Variants in LATS1 observed in about 807,000 individuals in gnomAD.
The protein encoded by LATS1 is large tumor suppressor kinase 1.
In LATS1, 25 loss-of-function variants were observed where a neutral mutation model predicts 106.6. That is an observed-to-expected ratio of 0.23 (90% CI 0.17 to 0.33). The LOEUF (loss-of-function observed/expected upper bound fraction) is 0.33. Among genes scored for constraint, LATS1 ranks in the 10% least tolerant of loss-of-function variants. The pLI, the probability that LATS1 is intolerant of heterozygous loss-of-function variation, is 1.00. For synonymous variants in LATS1, 465 were observed against 455.6 expected, an observed-to-expected ratio of 1.02 and a Z score of -0.26; for missense variants, 1,040 against 1,382.6, an observed-to-expected ratio of 0.75 and a Z score of 3.93.
chr6:149,712,552 T>C (rs1211315022), intron 1 of LATS1, among the ~76,000 whole-genome samples: 2 of 151,974 alleles, frequency 1.3e-5, no homozygotes, highest in East Asian at 1.9e-4. Flanking sequence ...GGTCTCGCTA[T>C]GTTGACGAGG....
chr6:149,709,787 T>C (rs1042807670), intron 1 of LATS1, among the ~76,000 whole-genome samples: 9 of 149,958 alleles, frequency 6.0e-5, no homozygotes, highest in African/African-American at 2.2e-4. Flanking sequence ...GTGATTCTCC[T>C]GCCTCAGCCT....
chr6:149,666,771 C>T (rs1434818346), intron 7 of LATS1, among the ~76,000 whole-genome samples: 2 of 151,578 alleles, frequency 1.3e-5, no homozygotes, highest in Non-Finnish European at 2.9e-5. Flanking sequence ...TGAAACCCCA[C>T]CTCTACTAAA....
intron 3 of LATS1, among the ~76,000 whole-genome samples, chr6:149,691,268 G>A (rs1227276915): frequency 6.6e-6 from 1 of 152,126 alleles, no homozygotes; most frequent in Admixed American, 6.5e-5. Context: ...CACATGCAGA[G>A]GGACAAACAT....
intron 3 of LATS1, among the ~76,000 whole-genome samples, chr6:149,689,247 T>C (rs1464435242): frequency 2.0e-5 from 3 of 151,528 alleles, no homozygotes; most frequent in South Asian, 2.1e-4. Flanking sequence ...AGTACGGCTG[T>C]AGAACAGTAA....
At chr6:149,670,319 A>G (rs979916771) in intron 7 of LATS1, among the ~76,000 whole-genome samples, 1 of 151,938 alleles carries the variant, frequency 6.6e-6, no homozygotes, top group African/African-American at 2.4e-5. Flanking sequence ...CATCACAGAA[A>G]ATAGCAGAGT....
chr6:149,661,946 T>C lies in LATS1; in HGVS notation c.3176A>G (p.Asp1059Gly). 6.2e-7 allele frequency: 1 copy of C among 1,614,084 alleles called. No individual in the cohort carries two copies. Among genetic ancestry groups the C allele is most frequent in the South Asian group, 1.1e-5 (1 of 91,074 alleles). The change falls in exon 8 of 8, where the codon GAC (aspartate) becomes GGC (glycine). Residue 1059 changes from aspartate (D) to glycine (G), a missense_variant. By Grantham distance (94) the Asp-to-Gly change is moderately conservative. Transcript: ENST00000543571. ...ATTTTTATACCATCCATTGAGAGTG[T>C]CATTTACATTTTCTTCCTCGTTATC... ...SDDNEEENVN[D>G]TLNGWYKNGK...
intron 3 of LATS1, among the ~76,000 whole-genome samples, chr6:149,689,418 C>A (rs1285777606): frequency 6.6e-4 from 87 of 132,304 alleles, no homozygotes; most frequent in East Asian, 1.0e-3. Context: ...ATGCCTGTCT[C>A]AAAAAAAAAA....
intron 1 of LATS1, among the ~76,000 whole-genome samples, chr6:149,704,929 A>ACAG (rs1783677114): frequency 1.1e-5 from 1 of 91,420 alleles, no homozygotes; most frequent in Non-Finnish European, 2.2e-5. Flanking sequence ...CACACACACA[A>ACAG]TTTGCAGCAG....
intron 3 of LATS1, among the ~76,000 whole-genome samples, chr6:149,689,731 A>G (rs1170771675): frequency 6.6e-6 from 1 of 152,154 alleles, no homozygotes. Flanking sequence ...CAGAGAAAAC[A>G]GCAGGCATCA....
rs1780817057 is a variant in LATS1 at position 149,659,590 on chromosome 6, CAA to C, written c.*2137_*2138del. The stretch of plus-strand genomic sequence containing the variant: ...TAGTTTTCCTACAACATAAATGTAA[CAA>C]AGTTATCTTCTACTGTATTGCACCT... On this transcript the variant is annotated 3_prime_UTR_variant, in exon 8 of 8. Transcript: ENST00000543571. 2 of 230,760 alleles carry C rather than the reference CAA, an allele frequency of 8.7e-6. No individual in the cohort carries two copies. Among genetic ancestry groups the C allele is most frequent in the Non-Finnish European group, 8.6e-6 (1 of 116,634 alleles). 14.3% of individuals were successfully genotyped at this position (230,760 alleles called of 1,614,324 possible).
At chr6:149,664,623 G>T (rs1232005699) in intron 7 of LATS1, among the ~76,000 whole-genome samples, 2 of 152,194 alleles carry the variant, frequency 1.3e-5, no homozygotes, top group Non-Finnish European at 1.5e-5. Context: ...CAGGATGCAG[G>T]AAGCAGCTAC....
rs372921971 is a variant in LATS1 at position 149,712,461 on chromosome 6, T to A, written c.-141+5388A>T. ...GACCGCCCACCTTGGCCTCCCAAAG[T>A]GCTGGGATTACAGGTGTGAGCCACT... On this transcript the variant is annotated intron_variant, in intron 1 of 7. Transcript: ENST00000543571. 5.3e-5 allele frequency among the ~76,000 whole-genome samples: 8 copies of A among 152,286 alleles called. No individual in the cohort carries two copies. In the South Asian group the frequency reaches 1.7e-3, roughly 32 times the overall value.
At position 149,699,204 on chromosome 6, in the gene LATS1, C is replaced by T. The variant is rs972749125; in HGVS notation, c.348+2575G>A. On this transcript the variant is annotated intron_variant, in intron 2 of 7. Coordinates refer to ENST00000543571, the MANE Select transcript of LATS1 (RefSeq NM_004690.4). Reference sequence around the variant, plus strand: ...AGGATCTTGAACAAGATAAACTCTACAATATAATAGGATGCTACCAGAATG... The same window carrying T: ...AGGATCTTGAACAAGATAAACTCTATAATATAATAGGATGCTACCAGAATG... Among the ~76,000 whole-genome samples, 3 of 152,066 alleles carry T rather than the reference C, an allele frequency of 2.0e-5. 1 individual carries two copies. The South Asian group carries it at 6.2e-4, about 32-fold the overall frequency.
intron 4 of LATS1, 108 bp downstream of exon 4, chr6:149,682,971 T>C: frequency 1.2e-6 from 1 of 828,642 alleles, no homozygotes; most frequent in South Asian, 2.1e-5. Context: ...TGATAATATA[T>C]TTTATTTAGC....
chr6:149,665,626 T>TC, intron 7 of LATS1, among the ~76,000 whole-genome samples: 1 of 151,900 alleles, frequency 6.6e-6, no homozygotes, highest in South Asian at 2.1e-4. Context: ...ACTGCTGGGC[T>TC]CCCCCTCCAA....
chr6:149,716,327 A>G (rs1464921232), intron 1 of LATS1: 2 of 152,196 alleles, frequency 1.3e-5, no homozygotes, highest in Non-Finnish European at 2.9e-5. Flanking sequence ...CCATCTTTAA[A>G]GGAAACTGCA....
At chr6:149,682,003 TGGGGA>T (rs931599527) in intron 4 of LATS1, among the ~76,000 whole-genome samples, 1 of 150,332 alleles carries the variant, frequency 6.7e-6, no homozygotes, top group African/African-American at 2.5e-5. Context: ...TCCCAGCTAG[TGGGGA>T]GGCTGAGGCA....
chr6:149,676,827 T>C, intron 5 of LATS1, 90 bp from the exon 6 acceptor site: 1 of 1,156,950 alleles, frequency 8.6e-7, no homozygotes, highest in African/African-American at 1.5e-5. Context: ...GGTTTAGGGT[T>C]AACAACATTC....
rs569163332 is a variant in LATS1, at chr6:149,682,193, C to G, written c.2010+886G>C. Among the ~76,000 whole-genome samples, 4 of 151,566 alleles carry G rather than the reference C, an allele frequency of 2.6e-5. No homozygotes were observed. In the East Asian group the frequency reaches 7.7e-4, roughly 29 times the overall value. On this transcript the variant is annotated intron_variant, in intron 4 of 7. Coordinates refer to ENST00000543571, the MANE Select transcript of LATS1 (RefSeq NM_004690.4). ...GACAACACAGATTAAAGTGTGTTTACTTACTCTGATCTCCCTTTTAGTATA... is the reference window on the plus strand; with the variant it reads ...GACAACACAGATTAAAGTGTGTTTAGTTACTCTGATCTCCCTTTTAGTATA...
Sources: gnomAD v4.1 joint callset for allele counts (sites outside exome capture counted in the v4.1 genomes callset) on GRCh38, gnomAD v4.1.1 for gene constraint, MANE v1.5 for transcripts, NCBI Gene and HGNC (gene_info 2026-07-23, HGNC 2026-07-21) for gene names.